The following JMJD1C variants were observed in gnomAD, a reference collection of about 807,000 sequenced individuals.
The protein encoded by JMJD1C is jumonji domain-containing protein 1C.
A neutral mutation model predicts 245.3 loss-of-function variants in JMJD1C; 31 were observed. The ratio of observed to expected loss-of-function variants is 0.13; its 90% CI spans 0.09 to 0.17. The LOEUF is 0.17. Among genes scored for constraint, JMJD1C ranks in the 10% least tolerant of loss-of-function variants. JMJD1C has a pLI of 1.00. For missense variants in JMJD1C, 2,691 were observed against 3,000.2 expected (o/e 0.90, Z 2.41); for synonymous variants, 1,057 against 1,017.4 (o/e 1.04, Z -0.74).
At chr10:63,421,125 G>A (rs7077580) in intron 1 of JMJD1C, among the ~76,000 whole-genome samples, 63,592 of 151,878 alleles carry the variant, frequency 0.42, 14,059 homozygotes, top group South Asian at 0.53. Context: ...ATCTGAGGTC[G>A]GGAGTTCGAG....
At chr10:63,393,415 G>T (rs1283708560) in intron 1 of JMJD1C, among the ~76,000 whole-genome samples, 1 of 152,132 alleles carries the variant, frequency 6.6e-6, no homozygotes, top group Non-Finnish European at 1.5e-5. Context: ...GTAGAGAAAA[G>T]GGTACTCTCA....
At position 63,305,459 on chromosome 10, in the gene JMJD1C, C is replaced by CTCTCTCTCTCTCT. The variant is rs1937978126; in HGVS notation, c.334-40696_334-40695insAGAGAGAGAGAGA. The stretch of plus-strand genomic sequence containing the variant: ...GGATGACATGGCAAGACGCTCTGAC[C>CTCTCTCTCTCTCT]CTCTCTCTCTCTCTCTCTCTCTCTC... On this transcript the variant is annotated intron_variant, in intron 2 of 25. Coordinates refer to ENST00000399262, the MANE Select transcript of JMJD1C (RefSeq NM_032776.3). Among the ~76,000 whole-genome samples the CTCTCTCTCTCTCT allele has an allele frequency of 3.0e-3, 335 of 113,068 alleles. 3 individuals are homozygous for CTCTCTCTCTCTCT. The highest frequency in any genetic ancestry group is 6.4e-3 in the African/African-American group (188 of 29,512). 74.2% of individuals were successfully genotyped at this position (113,068 alleles called of 152,430 possible). A position where few individuals can be genotyped will look rare whatever the true frequency, so the allele number is the denominator to read the frequency against.
chr10:63,507,078 T>A (rs955605940), intron 1 of JMJD1C, among the ~76,000 whole-genome samples: 4 of 152,218 alleles, frequency 2.6e-5, no homozygotes, highest in Admixed American at 6.5e-5. Flanking sequence ...TTCCTCCATG[T>A]CTCTTCAAGG....
At chr10:63,420,094 C>T (rs1281264632) in intron 1 of JMJD1C, among the ~76,000 whole-genome samples, 2 of 151,554 alleles carry the variant, frequency 1.3e-5, no homozygotes, top group Non-Finnish European at 2.9e-5. Context: ...CGAGATCACG[C>T]CACTGCACTC....
chr10:63,183,091 C>A (rs986372238), intron 22 of JMJD1C, among the ~76,000 whole-genome samples: 8 of 152,132 alleles, frequency 5.3e-5, no homozygotes, highest in African/African-American at 1.7e-4. Flanking sequence ...GAACTCCTGA[C>A]CTCCAGTGAT....
intron 1 of JMJD1C, among the ~76,000 whole-genome samples, chr10:63,435,916 A>C (rs574614770): frequency 1.3e-5 from 2 of 152,294 alleles, no homozygotes; most frequent in South Asian, 4.1e-4. Flanking sequence ...CAAACTAAAA[A>C]AGAGTGTGGC....
intron 10 of JMJD1C, chr10:63,203,105 G>A: frequency 1.0e-6 from 1 of 984,940 alleles, no homozygotes; most frequent in Non-Finnish European, 1.2e-6. Context: ...GAATAAATGA[G>A]TACAAAGACA....
intron 2 of JMJD1C, among the ~76,000 whole-genome samples, chr10:63,287,673 G>C (rs576249975): frequency 3.1e-4 from 47 of 152,204 alleles, no homozygotes; most frequent in African/African-American, 1.1e-3. Flanking sequence ...AAGCATTTAA[G>C]GAGTCTTAGA....
At chr10:63,187,448 T>C (rs922288662) in intron 18 of JMJD1C, among the ~76,000 whole-genome samples, 1 of 152,200 alleles carries the variant, frequency 6.6e-6, no homozygotes, top group African/African-American at 2.4e-5. Context: ...ATCTTTTTAC[T>C]TTTTTTGGAG....
At chr10:63,309,871 C>G (rs1358160806) in intron 2 of JMJD1C, among the ~76,000 whole-genome samples, 2 of 151,998 alleles carry the variant, frequency 1.3e-5, no homozygotes, top group Non-Finnish European at 2.9e-5. Context: ...GAGCCAAGAT[C>G]GCGCCATTGC....
chr10:63,349,423 T>C (rs1944150368), intron 2 of JMJD1C, among the ~76,000 whole-genome samples: 1 of 152,244 alleles, frequency 6.6e-6, no homozygotes, highest in Non-Finnish European at 1.5e-5. Flanking sequence ...GTCAATGATG[T>C]TCAAGATATT....
intron 3 of JMJD1C, among the ~76,000 whole-genome samples, chr10:63,247,719 CAAAAAA>C (rs71025135): frequency 9.4e-4 from 99 of 105,470 alleles, no homozygotes; most frequent in African/African-American, 3.2e-3. Flanking sequence ...GTGACAGAGC[CAAAAAA>C]AAAAAAAAAA....
At chr10:63,352,637 CAAA>C (rs145589142) in intron 2 of JMJD1C, among the ~76,000 whole-genome samples, 111 of 96,696 alleles carry the variant, frequency 1.1e-3, no homozygotes, top group Middle Eastern at 5.1e-3. Flanking sequence ...GACTCTGTCT[CAAA>C]AAAAAAAAAA....
At chr10:63,454,971 G>C (rs898092577) in intron 1 of JMJD1C, among the ~76,000 whole-genome samples, 1 of 152,076 alleles carries the variant, frequency 6.6e-6, no homozygotes, top group African/African-American at 2.4e-5. Context: ...CTGTTGTATT[G>C]TATCGCAACA....
intron 2 of JMJD1C, among the ~76,000 whole-genome samples, chr10:63,379,802 A>C (rs542723684): frequency 6.6e-6 from 1 of 152,336 alleles, no homozygotes; most frequent in South Asian, 2.1e-4. Flanking sequence ...AGAGACACCT[A>C]AAGTTGTTTT....
At chr10:63,360,352 C>T (rs1297760828) in intron 2 of JMJD1C, among the ~76,000 whole-genome samples, 1 of 152,124 alleles carries the variant, frequency 6.6e-6, no homozygotes, top group Non-Finnish European at 1.5e-5. Flanking sequence ...CAGTGAGACC[C>T]TGTCTCCGAA....
intron 22 of JMJD1C, among the ~76,000 whole-genome samples, chr10:63,183,013 C>T (rs1374874921): frequency 6.6e-6 from 1 of 152,112 alleles, no homozygotes; most frequent in African/African-American, 2.4e-5. Context: ...AGGCATGCAC[C>T]ACCACACCCA....
chr10:63,298,810 G>A (rs756691459), intron 2 of JMJD1C, among the ~76,000 whole-genome samples: 13 of 152,018 alleles, frequency 8.6e-5, no homozygotes, highest in East Asian at 3.9e-4. Flanking sequence ...TCGGCTCACC[G>A]CAACCTCCAC....
chr10:63,259,417 A>C (rs895779942), intron 3 of JMJD1C, among the ~76,000 whole-genome samples: 5 of 152,146 alleles, frequency 3.3e-5, no homozygotes, highest in Non-Finnish European at 7.4e-5. Context: ...TAGGAGAAAA[A>C]AAAAATACAT....
Sources: gnomAD v4.1 joint callset for allele counts (sites outside exome capture counted in the v4.1 genomes callset) on GRCh38, gnomAD v4.1.1 for gene constraint, MANE v1.5 for transcripts, NCBI Gene and HGNC (gene_info 2026-07-23, HGNC 2026-07-21) for gene names.